Variants in SGCD observed in about 807,000 individuals in gnomAD.
SGCD encodes sarcoglycan delta, also known as delta-sarcoglycan.
SGCD carries 18 observed loss-of-function variants against 36.6 expected under a neutral mutation model. The observed-to-expected ratio is 0.49, with a 90% CI of 0.34 to 0.73. SGCD has a LOEUF of 0.73. Ranked by LOEUF, SGCD falls within the 30% of genes least tolerant of loss-of-function variation. SGCD has a pLI of 0.01. For synonymous variants in SGCD, 133 were observed against 130.6 expected (o/e 1.02, Z -0.12); for missense variants, 387 against 346.7 (o/e 1.12, Z -0.92).
At chr5:156,078,232 C>T (rs181075311) in intron 1 of SGCD, among the ~76,000 whole-genome samples, 44 of 151,724 alleles carry the variant, frequency 2.9e-4, no homozygotes, top group South Asian at 2.7e-3. Context: ...AATAATACAA[C>T]GCCGGGTGTG....
At chr5:156,582,366 A>G (rs1760300812) in intron 4 of SGCD, among the ~76,000 whole-genome samples, 1 of 152,192 alleles carries the variant, frequency 6.6e-6, no homozygotes, top group Admixed American at 6.5e-5. Flanking sequence ...CTGCTCTTTT[A>G]TAGTTCCCAG....
At chr5:156,587,717 T>C (rs1338388140) in intron 4 of SGCD, among the ~76,000 whole-genome samples, 1 of 152,112 alleles carries the variant, frequency 6.6e-6, no homozygotes, top group African/African-American at 2.4e-5. Context: ...CTTGATAAAA[T>C]TGTGTCTATT....
At position 156,757,233 on chromosome 5, in the gene SGCD, C is replaced by T. The variant is rs1281867868; in HGVS notation, c.576-348C>T. 8.2e-5 allele frequency among the ~76,000 whole-genome samples: 9 copies of T among 109,648 alleles called. No individual in the cohort carries two copies. The East Asian group carries it at 1.3e-3, about 15-fold the overall frequency. The allele number at this position is 109,648 out of a possible 152,430, so 71.9% of individuals were successfully genotyped here. A position where few individuals can be genotyped will look rare whatever the true frequency, so the allele number is the denominator to read the frequency against. On this transcript the variant is annotated intron_variant, in intron 7 of 8. Transcript: ENST00000337851. ...GGATACCTACCAATTCCAGGAAGCT[C>T]GGTTTAGATCCGGGATTGACTTACT...
intron 1 of SGCD, among the ~76,000 whole-genome samples, chr5:155,991,792 A>G (rs1758436972): frequency 6.6e-6 from 1 of 152,220 alleles, no homozygotes; most frequent in South Asian, 2.1e-4. Flanking sequence ...TCAAGTCTCA[A>G]TAACCCGTAA....
chr5:155,957,910 CA>C (rs1262518512), intron 1 of SGCD, among the ~76,000 whole-genome samples: 1 of 152,080 alleles, frequency 6.6e-6, no homozygotes, highest in Non-Finnish European at 1.5e-5. Context: ...CAGTAACATA[CA>C]AGGCAGAGTG....
At chr5:156,118,346 G>A (rs1372461182) in intron 2 of SGCD, among the ~76,000 whole-genome samples, 3 of 152,050 alleles carry the variant, frequency 2.0e-5, no homozygotes, top group Non-Finnish European at 4.4e-5. Context: ...TTACTGTTTT[G>A]GCTAGGAATG....
intron 3 of SGCD, among the ~76,000 whole-genome samples, chr5:156,307,403 A>G (rs997686990): frequency 3.3e-5 from 5 of 152,170 alleles, no homozygotes; most frequent in Admixed American, 2.6e-4. Context: ...TGTAAATCAG[A>G]CAGCATAACA....
At chr5:156,551,819 A>G (rs970769238) in intron 4 of SGCD, among the ~76,000 whole-genome samples, 2 of 152,170 alleles carry the variant, frequency 1.3e-5, no homozygotes, top group Admixed American at 6.5e-5. Context: ...CTATTTCCTG[A>G]CATTCCCATG....
intron 4 of SGCD, among the ~76,000 whole-genome samples, chr5:156,546,497 GAGAATAT>G (rs758158747): frequency 4.3e-4 from 65 of 152,228 alleles, no homozygotes; most frequent in Non-Finnish European, 8.4e-4. Flanking sequence ...AAGAACAATA[GAGAATAT>G]ACTTATTTAA....
chr5:156,267,819 A>G (rs544062755), intron 3 of SGCD, among the ~76,000 whole-genome samples: 3 of 152,348 alleles, frequency 2.0e-5, no homozygotes, highest in African/African-American at 4.8e-5. Flanking sequence ...TCACATTATA[A>G]TTCAATCTTT....
the SGCD span, among the ~76,000 whole-genome samples, chr5:155,766,597 G>T: frequency 1.3e-5 from 2 of 152,068 alleles, no homozygotes; most frequent in South Asian, 4.1e-4. Context: ...GATTTTAGGG[G>T]TAGAGCTAAT....
At chr5:156,475,359 G>A (rs1010357875) in intron 3 of SGCD, among the ~76,000 whole-genome samples, 1 of 152,170 alleles carries the variant, frequency 6.6e-6, no homozygotes, top group African/African-American at 2.4e-5. Context: ...CTGTCATAGT[G>A]ACAGTTCAGA....
chr5:155,948,564 C>G (rs1050047861), intron 1 of SGCD, among the ~76,000 whole-genome samples: 1 of 152,176 alleles, frequency 6.6e-6, no homozygotes, highest in Non-Finnish European at 1.5e-5. Context: ...CCAGAAAAAT[C>G]AAACCAGCTT....
At chr5:155,784,646 T>TTC in the SGCD span, among the ~76,000 whole-genome samples, 1 of 151,054 alleles carries the variant, frequency 6.6e-6, no homozygotes, top group South Asian at 2.1e-4. Context: ...GCTCCTTTTT[T>TTC]TTTTTTTTTT....
At chr5:156,322,850 C>T (rs575509475), upstream of SGCD, among the ~76,000 whole-genome samples, 1 of 152,252 alleles carries the variant, frequency 6.6e-6, no homozygotes, top group East Asian at 1.9e-4. Flanking sequence ...AATGGTCAGC[C>T]ATTTAAAGAT....
chr5:156,299,053 A>G (rs1176064650), intron 3 of SGCD, among the ~76,000 whole-genome samples: 1 of 152,134 alleles, frequency 6.6e-6, no homozygotes, highest in Admixed American at 6.5e-5. Flanking sequence ...AGATTTTTTA[A>G]ATTAGTTTCA....
intron 5 of SGCD, among the ~76,000 whole-genome samples, chr5:156,593,629 A>G (rs896920856): frequency 1.3e-5 from 2 of 152,138 alleles, no homozygotes; most frequent in Admixed American, 6.5e-5. Context: ...ACGTTCCCCA[A>G]AATAAGCTAA....
chr5:156,444,291 C>T (rs115133413), intron 3 of SGCD, among the ~76,000 whole-genome samples: 1 of 151,666 alleles, frequency 6.6e-6, no homozygotes, highest in Non-Finnish European at 1.5e-5. Context: ...AGAAGAATGA[C>T]TGTAACTGTC....
intron 3 of SGCD, among the ~76,000 whole-genome samples, chr5:156,317,314 C>A (rs1231374684): frequency 6.6e-6 from 1 of 152,096 alleles, no homozygotes; most frequent in Non-Finnish European, 1.5e-5. Flanking sequence ...TAAGGCCTTG[C>A]ACAACCATAG....
Sources: allele counts gnomAD v4.1 joint callset (sites outside exome capture counted in the v4.1 genomes callset), GRCh38; gene constraint gnomAD v4.1.1; transcripts MANE v1.5; gene names NCBI Gene and HGNC (gene_info 2026-07-23, HGNC 2026-07-21).